Variants in NHSL1 observed in about 807,000 individuals in gnomAD.
NHSL1 encodes NHS like 1.
Under a neutral mutation model 95.0 loss-of-function variants are expected in NHSL1, and 48 were observed. The ratio of observed to expected loss-of-function variants is 0.51; its 90% CI spans 0.40 to 0.64. The LOEUF is 0.64. Ranked by LOEUF, NHSL1 falls within the 30% of genes least tolerant of loss-of-function variation. NHSL1 has a pLI of 0.00. For missense variants in NHSL1, 1,971 were observed against 2,077.7 expected (o/e 0.95, Z 1.00); for synonymous variants, 783 against 833.9 (o/e 0.94, Z 1.05).
At position 138,553,412 on chromosome 6, in the gene NHSL1, C is replaced by T. The variant is rs552023818; in HGVS notation, c.202+18298G>A. Among the ~76,000 whole-genome samples, 12 of 152,336 alleles carry T rather than the reference C, an allele frequency of 7.9e-5. No homozygotes were observed. In the East Asian group the frequency reaches 1.4e-3, roughly 17 times the overall value. ...GCACCATGTCCCATGGCACTTCATT[C>T]ACGTGGCTGGCATGGTATTACAATT... On this transcript the variant is annotated intron_variant, in intron 1 of 6. Coordinates refer to the NHSL1 transcript ENST00000427025.
intron 4 of NHSL1, among the ~76,000 whole-genome samples, chr6:138,442,859 G>A (rs916486497): frequency 3.9e-5 from 6 of 152,132 alleles, no homozygotes; most frequent in Non-Finnish European, 8.8e-5. Flanking sequence ...CTTCTAGAGT[G>A]TAGGTGTGTT....
intron 2 of NHSL1, among the ~76,000 whole-genome samples, chr6:138,494,836 AC>A (rs1188772332): frequency 1.3e-5 from 2 of 152,228 alleles, no homozygotes; most frequent in East Asian, 1.9e-4. Flanking sequence ...GGTTTGTTGT[AC>A]TAAGAAAAAG....
chr6:138,650,870 TG>T, intron 1 of NHSL1: 2 of 541,494 alleles, frequency 3.7e-6, no homozygotes. Context: ...GGACATCAGC[TG>T]GGGCCTCGGG....
chr6:138,669,393 G>A (rs1391365122), intron 1 of NHSL1, among the ~76,000 whole-genome samples: 1 of 152,136 alleles, frequency 6.6e-6, no homozygotes, highest in African/African-American at 2.4e-5. Context: ...ACTCGGCGGG[G>A]AAGCTAAGAA....
At chr6:138,515,859 A>G (rs1781437769) in intron 1 of NHSL1, among the ~76,000 whole-genome samples, 1 of 152,208 alleles carries the variant, frequency 6.6e-6, no homozygotes, top group Admixed American at 6.5e-5. Flanking sequence ...TTCCAACTCA[A>G]CAAGAGGGCA....
intron 4 of NHSL1, among the ~76,000 whole-genome samples, chr6:138,444,028 T>C (rs181472628): frequency 6.6e-6 from 1 of 152,162 alleles, no homozygotes; most frequent in East Asian, 1.9e-4. Flanking sequence ...GGATTATACA[T>C]TTTTTGAGGG....
intron 1 of NHSL1, among the ~76,000 whole-genome samples, chr6:138,528,443 C>A (rs576658586): frequency 3.9e-5 from 6 of 152,196 alleles, no homozygotes; most frequent in African/African-American, 1.4e-4. Flanking sequence ...ACCTACCCTG[C>A]CTTTTAAATT....
upstream of NHSL1, among the ~76,000 whole-genome samples, chr6:138,576,604 C>T (rs558363246): frequency 6.6e-6 from 1 of 152,138 alleles, no homozygotes; most frequent in East Asian, 1.9e-4. Context: ...CATAAACAGG[C>T]TTGTTTAAAT....
intron 3 of NHSL1, among the ~76,000 whole-genome samples, chr6:138,462,461 G>A (rs1163422521): frequency 4.6e-5 from 7 of 152,184 alleles, no homozygotes; most frequent in African/African-American, 1.4e-4. Context: ...CTATTCATGA[G>A]GGATGTTCCT....
chr6:138,487,858 G>C (rs1211923678), intron 2 of NHSL1, among the ~76,000 whole-genome samples: 3 of 152,130 alleles, frequency 2.0e-5, no homozygotes, highest in Admixed American at 6.5e-5. Flanking sequence ...TCCTTCCTCT[G>C]TTCAGTTGCT....
intron 3 of NHSL1, among the ~76,000 whole-genome samples, chr6:138,470,781 C>T (rs887672338): frequency 1.3e-5 from 2 of 152,074 alleles, no homozygotes; most frequent in Non-Finnish European, 2.9e-5. Context: ...CCAGGCAGGT[C>T]CTCCCCACTG....
At chr6:138,663,849 T>G (rs1024428478) in intron 1 of NHSL1, among the ~76,000 whole-genome samples, 1 of 152,088 alleles carries the variant, frequency 6.6e-6, no homozygotes, top group Non-Finnish European at 1.5e-5. Context: ...CCAGCCTGGG[T>G]GACAGAGCAA....
intron 2 of NHSL1, among the ~76,000 whole-genome samples, chr6:138,485,254 T>C (rs538065189): frequency 1.3e-3 from 193 of 152,118 alleles, no homozygotes; most frequent in Non-Finnish European, 2.0e-3. Flanking sequence ...CTGCCCTGAG[T>C]GAAATATAGA....
intron 1 of NHSL1, among the ~76,000 whole-genome samples, chr6:138,600,310 G>A (rs542153716): frequency 6.6e-6 from 1 of 152,200 alleles, no homozygotes; most frequent in South Asian, 2.1e-4. Flanking sequence ...GATGGCTCAT[G>A]GCAGCCTTGA....
intron 1 of NHSL1, among the ~76,000 whole-genome samples, chr6:138,665,573 G>A (rs997490564): frequency 9.9e-5 from 15 of 152,150 alleles, no homozygotes; most frequent in African/African-American, 3.4e-4. Flanking sequence ...TTGGCTGGAT[G>A]GATGGATAAA....
At position 138,640,900 on chromosome 6, in the gene NHSL1, C is replaced by A. The variant is rs139761274; in HGVS notation, c.96+51576G>T. ...CCATTACCAGACTGAATTCTCTCAA[C>A]ATACACAAATTGTCAGCTTTGCTGA... On this transcript the variant is annotated intron_variant, in intron 1 of 3. Transcript: ENST00000491526. Among the ~76,000 whole-genome samples, 923 of 152,302 alleles carry A rather than the reference C, an allele frequency of 6.1e-3. 12 individuals carry two copies. The highest frequency in any genetic ancestry group is 6.7e-3 in the Non-Finnish European group (456 of 68,030).
upstream of NHSL1, among the ~76,000 whole-genome samples, chr6:138,548,339 A>C (rs1000022885): frequency 3.3e-5 from 5 of 152,224 alleles, no homozygotes; most frequent in Non-Finnish European, 7.3e-5. Flanking sequence ...TAGTGGACTG[A>C]AAAGTAAAGA....
intron 1 of NHSL1, among the ~76,000 whole-genome samples, chr6:138,522,898 A>G (rs1158579410): frequency 6.6e-6 from 1 of 152,240 alleles, no homozygotes; most frequent in African/African-American, 2.4e-5. Flanking sequence ...TTAGATTTAC[A>G]TAACAAAACA....
intron 3 of NHSL1, among the ~76,000 whole-genome samples, chr6:138,461,147 A>G (rs923851914): frequency 6.6e-6 from 1 of 151,182 alleles, no homozygotes; most frequent in African/African-American, 2.4e-5. Flanking sequence ...AAACTATGAA[A>G]GAAGGAAGTT....
Sources: allele counts gnomAD v4.1 joint callset (sites outside exome capture counted in the v4.1 genomes callset), GRCh38; gene constraint gnomAD v4.1.1; transcripts MANE v1.5; gene names NCBI Gene and HGNC (gene_info 2026-07-23, HGNC 2026-07-21).